NRXN3: variants seen among roughly 807,000 people sequenced by gnomAD.
NRXN3 encodes neurexin III.
NRXN3 carries 32 observed loss-of-function variants against 137.6 expected under a neutral mutation model. The observed-to-expected ratio is 0.23, with a 90% CI of 0.18 to 0.31. The LOEUF (loss-of-function observed/expected upper bound fraction) is 0.31, where lower values mean the gene tolerates loss of function less well. Among genes scored for constraint, NRXN3 ranks in the 10% least tolerant of loss-of-function variants. NRXN3 has a pLI of 1.00. For missense variants in NRXN3, 1,574 were observed against 2,062.5 expected (o/e 0.76, Z 4.59); for synonymous variants, 798 against 784.5 (o/e 1.02, Z -0.29).
chr14:78,530,438 A>C (rs1306247932), intron 4 of NRXN3, among the ~76,000 whole-genome samples: 1 of 152,212 alleles, frequency 6.6e-6, no homozygotes, highest in Non-Finnish European at 1.5e-5. Flanking sequence ...TCAGTTGTCA[A>C]GGCACTTAGG....
At chr14:78,456,799 C>CTCTCTCTTTCTT (rs1555539840) in intron 4 of NRXN3, among the ~76,000 whole-genome samples, 169 of 97,690 alleles carry the variant, frequency 1.7e-3, no homozygotes, top group South Asian at 7.8e-3. Context: ...CTCTCTTTCT[C>CTCTCTCTTTCTT]TCTTTCTTTC....
intron 4 of NRXN3, among the ~76,000 whole-genome samples, chr14:78,492,398 C>T (rs1449930384): frequency 6.6e-6 from 1 of 152,052 alleles, no homozygotes; most frequent in Non-Finnish European, 1.5e-5. Context: ...AGAAAGCCTT[C>T]AAAGGAGTGT....
intron 10 of NRXN3, among the ~76,000 whole-genome samples, chr14:78,844,559 G>A (rs1039692665): frequency 6.6e-6 from 1 of 151,922 alleles, no homozygotes; most frequent in African/African-American, 2.4e-5. Flanking sequence ...TAATTTACAG[G>A]GTTATAATAA....
At chr14:78,867,564 C>T (rs2099090276) in intron 10 of NRXN3, among the ~76,000 whole-genome samples, 1 of 152,084 alleles carries the variant, frequency 6.6e-6, no homozygotes, top group Admixed American at 6.6e-5. Flanking sequence ...ATCTACTTGC[C>T]CCTTCTTCCC....
At chr14:79,429,000 G>C (rs1207482466) in intron 15 of NRXN3, among the ~76,000 whole-genome samples, 1 of 152,154 alleles carries the variant, frequency 6.6e-6, no homozygotes, top group African/African-American at 2.4e-5. Context: ...GTTTTTAAGT[G>C]ATCTCTGGGA....
At chr14:78,297,773 C>T in intron 3 of NRXN3, 58 bp from the exon 4 acceptor site, 3 of 1,283,986 alleles carry the variant, frequency 2.3e-6, no homozygotes, top group Admixed American at 2.0e-5. Context: ...TGTCTTCTTT[C>T]TTTTTTTCCT....
At chr14:78,233,371 A>C (rs2065721894) in intron 1 of NRXN3, among the ~76,000 whole-genome samples, 3 of 152,068 alleles carry the variant, frequency 2.0e-5, no homozygotes, top group East Asian at 1.9e-4. Flanking sequence ...CTTATGCCCT[A>C]CTTGTCCTTC....
intron 16 of NRXN3, among the ~76,000 whole-genome samples, chr14:79,602,969 C>T (rs1041032508): frequency 6.6e-6 from 1 of 152,136 alleles, no homozygotes; most frequent in Admixed American, 6.5e-5. Flanking sequence ...CTGTGTGGAG[C>T]CTGGGAGCCT....
At chr14:79,826,809 A>G (rs1198555907) in intron 20 of NRXN3, among the ~76,000 whole-genome samples, 1 of 152,060 alleles carries the variant, frequency 6.6e-6, no homozygotes, top group Non-Finnish European at 1.5e-5. Context: ...TTATTTCCCC[A>G]TTTGTTTACT....
intron 4 of NRXN3, among the ~76,000 whole-genome samples, chr14:78,477,909 C>A (rs1049829344): frequency 1.5e-4 from 23 of 152,082 alleles, no homozygotes; most frequent in African/African-American, 5.6e-4. Flanking sequence ...CACACACACA[C>A]GCACACACAT....
At chr14:79,284,193 T>C (rs984260501) in intron 15 of NRXN3, among the ~76,000 whole-genome samples, 3 of 150,518 alleles carry the variant, frequency 2.0e-5, no homozygotes, top group African/African-American at 7.3e-5. Context: ...TAAAGGTCAT[T>C]GGACCTTTAA....
intron 20 of NRXN3, among the ~76,000 whole-genome samples, chr14:79,825,050 G>T (rs1555772688): frequency 6.6e-6 from 1 of 152,070 alleles, no homozygotes; most frequent in Non-Finnish European, 1.5e-5. Flanking sequence ...TTAAAAATCT[G>T]ATTTTATTTT....
chr14:79,668,647 G>A (rs1302907072), intron 17 of NRXN3, among the ~76,000 whole-genome samples: 1 of 152,072 alleles, frequency 6.6e-6, no homozygotes, highest in Non-Finnish European at 1.5e-5. Context: ...TAGTTAGTAA[G>A]GTTTTTCAAC....
chr14:78,834,447 C>T (rs2098990712), intron 10 of NRXN3, among the ~76,000 whole-genome samples: 1 of 152,012 alleles, frequency 6.6e-6, no homozygotes, highest in African/African-American at 2.4e-5. Context: ...AAGTAATGGT[C>T]AGAGAGGCAA....
chr14:79,416,136 T>C (rs2095493255), intron 15 of NRXN3, among the ~76,000 whole-genome samples: 1 of 152,108 alleles, frequency 6.6e-6, no homozygotes, highest in Admixed American at 6.6e-5. Flanking sequence ...AAGGCAATCC[T>C]GATGTACCCA....
intron 6 of NRXN3, among the ~76,000 whole-genome samples, chr14:78,673,215 C>A (rs752878989): frequency 2.6e-5 from 4 of 152,156 alleles, no homozygotes; most frequent in Non-Finnish European, 4.4e-5. Flanking sequence ...TTGGCAGTGA[C>A]AAAAGACCCC....
intron 15 of NRXN3, among the ~76,000 whole-genome samples, chr14:79,387,263 A>T (rs2094660405): frequency 6.6e-6 from 1 of 152,040 alleles, no homozygotes; most frequent in African/African-American, 2.4e-5. Context: ...CAAGAAAAAA[A>T]CAAACAACCC....
chr14:79,259,753 C>T (rs969556333), intron 15 of NRXN3, among the ~76,000 whole-genome samples: 1 of 150,822 alleles, frequency 6.6e-6, no homozygotes, highest in African/African-American at 2.5e-5. Context: ...CATATACACA[C>T]ACACTTAGCT....
chr14:79,662,268 A>T (rs1603382401), intron 16 of NRXN3, among the ~76,000 whole-genome samples: 1 of 152,258 alleles, frequency 6.6e-6, no homozygotes, highest in Middle Eastern at 3.4e-3. Flanking sequence ...AATTTGGAAA[A>T]CTAAAGAAAT....
Sources: gnomAD v4.1 joint callset for allele counts (sites outside exome capture counted in the v4.1 genomes callset) on GRCh38, gnomAD v4.1.1 for gene constraint, MANE v1.5 for transcripts, NCBI Gene and HGNC (gene_info 2026-07-23, HGNC 2026-07-21) for gene names.